ESRP1: variants seen among roughly 807,000 people sequenced by gnomAD.
ESRP1 encodes epithelial splicing regulatory protein 1, also known as RNA-binding motif protein 35A.
A neutral mutation model predicts 81.7 loss-of-function variants in ESRP1; 33 were observed. That is an observed-to-expected ratio of 0.40 (90% CI 0.31 to 0.54). ESRP1 has a LOEUF of 0.54. Among genes scored for constraint, ESRP1 ranks in the 20% least tolerant of loss-of-function variants. ESRP1 has a pLI of 0.41. For missense variants in ESRP1, 672 were observed against 833.1 expected, an observed-to-expected ratio of 0.81 and a Z score of 2.38; for synonymous variants, 320 against 303.3, an observed-to-expected ratio of 1.06 and a Z score of -0.57.
At chr8:94,657,322 C>A (rs1322422838) in intron 4 of ESRP1, among the ~76,000 whole-genome samples, 16 of 152,218 alleles carry the variant, frequency 1.1e-4, no homozygotes, top group Admixed American at 1.0e-3. Flanking sequence ...TCCTCAAGAT[C>A]AGACGTGCAG....
Position 94,706,106 on chromosome 8 carries a change from T to C in ESRP1, c.*217T>C. 1.6e-6 allele frequency: 1 copy of C among 637,780 alleles called. No homozygotes were observed. The highest frequency in any genetic ancestry group is 2.6e-6 in the Non-Finnish European group (1 of 379,816). The allele number at this position is 637,780 out of a possible 1,614,324, so 39.5% of individuals were successfully genotyped here. ...TGAGCTAGTGAAGCCAAATCGTAACTTACAGCAAGCAGCATGCAGCATACC... is the reference window on the plus strand; with the variant it reads ...TGAGCTAGTGAAGCCAAATCGTAACCTACAGCAAGCAGCATGCAGCATACC... On this transcript the variant is annotated 3_prime_UTR_variant, in exon 16 of 16. Transcript: ENST00000433389.
At chr8:94,657,850 G>A (rs147576143) in intron 4 of ESRP1, among the ~76,000 whole-genome samples, 8 of 152,158 alleles carry the variant, frequency 5.3e-5, no homozygotes, top group Non-Finnish European at 8.8e-5. Context: ...CATAGCTTTC[G>A]TGTAATCCCA....
intron 15 of ESRP1, among the ~76,000 whole-genome samples, chr8:94,699,514 C>T (rs1809733762): frequency 6.6e-6 from 1 of 151,926 alleles, no homozygotes; most frequent in Non-Finnish European, 1.5e-5. Context: ...GGTGTGGTGG[C>T]ATTTACCTCC....
At chr8:94,643,950 A>G (rs1002658475) in intron 3 of ESRP1, among the ~76,000 whole-genome samples, 1 of 152,262 alleles carries the variant, frequency 6.6e-6, no homozygotes, top group African/African-American at 2.4e-5. Context: ...TACTTAAATA[A>G]GATAACCTTA....
In ESRP1 at chr8:94,706,481, T is replaced by A. The variant is rs1408279722; in HGVS notation, c.*592T>A. The A allele has an allele frequency of 6.6e-6, 1 of 152,658 alleles. No individual in the cohort carries two copies. Among genetic ancestry groups the A allele is most frequent in the Non-Finnish European group, 1.5e-5 (1 of 68,164 alleles). 9.5% of individuals were successfully genotyped at this position (152,658 alleles called of 1,614,324 possible). ...TGATATCTTATGATTAAAAACAAATTAAATTTTAAAACACCTGAAGATAAA... is the reference window on the plus strand; with the variant it reads ...TGATATCTTATGATTAAAAACAAATAAAATTTTAAAACACCTGAAGATAAA... On this transcript the variant is annotated 3_prime_UTR_variant, in exon 16 of 16. Coordinates refer to ENST00000433389, the MANE Select transcript of ESRP1 (RefSeq NM_017697.4).
chr8:94,688,399 TG>T, intron 13 of ESRP1: 1 of 280,962 alleles, frequency 3.6e-6, no homozygotes. Context: ...ATCACAGAGC[TG>T]GGGAAATTGT....
At position 94,668,090 on chromosome 8, in the gene ESRP1, G is replaced by A; in HGVS notation, c.1073G>A (p.Gly358Asp). 1 of 1,613,976 alleles carries A rather than the reference G, an allele frequency of 6.2e-7. No homozygotes were observed. The highest frequency in any genetic ancestry group is 8.5e-7 in the Non-Finnish European group (1 of 1,179,880). ...QHCPITGGKEGILFVTYPDGR... is the reference protein window; with the variant it reads ...QHCPITGGKEDILFVTYPDGR... ...TGCCCTATTACTGGGGGAAAGGAAGGCATCCTCTTTGTCACCTACCCAGAT... is the reference window on the plus strand; with the variant it reads ...TGCCCTATTACTGGGGGAAAGGAAGACATCCTCTTTGTCACCTACCCAGAT... The change falls in exon 10 of 16, where the codon GGC becomes GAC. Residue 358 changes from glycine (G) to aspartate (D), a missense_variant. Coordinates refer to ENST00000433389, the MANE Select transcript of ESRP1 (RefSeq NM_017697.4).
chr8:94,658,381 A>G (rs1818543005), intron 4 of ESRP1, among the ~76,000 whole-genome samples: 1 of 152,256 alleles, frequency 6.6e-6, no homozygotes, highest in Admixed American at 6.5e-5. Context: ...ATAGGTGGAA[A>G]GAGATCAGAG....
chr8:94,705,148 C>T (rs968483644), intron 15 of ESRP1, among the ~76,000 whole-genome samples: 1 of 136,380 alleles, frequency 7.3e-6, no homozygotes, highest in African/African-American at 2.8e-5. Context: ...TTATGTCATG[C>T]CTTATTGCTT....
At chr8:94,693,148 T>C (rs1200813525) in intron 14 of ESRP1, among the ~76,000 whole-genome samples, 1 of 152,206 alleles carries the variant, frequency 6.6e-6, no homozygotes, top group African/African-American at 2.4e-5. Flanking sequence ...AGAATAGGAT[T>C]GGCTAAGGGG....
chr8:94,643,504 C>G (rs1817713027), intron 3 of ESRP1, 88 bp downstream of exon 3: 1 of 773,378 alleles, frequency 1.3e-6, no homozygotes, highest in Non-Finnish European at 2.2e-6. Context: ...TCAAGTTTCT[C>G]TGTTCTTAAA....
intron 4 of ESRP1, among the ~76,000 whole-genome samples, chr8:94,660,280 C>T (rs886105945): frequency 2.0e-5 from 3 of 152,106 alleles, no homozygotes; most frequent in South Asian, 2.1e-4. Context: ...GGTCATTAAC[C>T]GTCCTAAAAA....
chr8:94,677,060 A>G (rs1032458190), intron 12 of ESRP1, among the ~76,000 whole-genome samples: 11 of 152,036 alleles, frequency 7.2e-5, no homozygotes, highest in Admixed American at 1.3e-4. Flanking sequence ...AGGTGCCTCA[A>G]TTTGTATTGT....
At chr8:94,641,784 G>T in intron 1 of ESRP1, 172 bp from the exon 2 acceptor site, 1 of 930,360 alleles carries the variant, frequency 1.1e-6, no homozygotes, top group African/African-American at 1.8e-5. Context: ...TCGGGTGGGG[G>T]GTGGGGCGGG....
intron 1 of ESRP1, chr8:94,641,667 A>T: frequency 1.4e-6 from 1 of 729,188 alleles, no homozygotes; most frequent in Non-Finnish European, 2.1e-6. Context: ...TCAGGTGGAG[A>T]GGCCGGCGCT....
At chr8:94,689,999 T>A (rs2130707547) in intron 13 of ESRP1, among the ~76,000 whole-genome samples, 1 of 151,854 alleles carries the variant, frequency 6.6e-6, no homozygotes, top group Non-Finnish European at 1.5e-5. Flanking sequence ...TTGTATTTTT[T>A]AGTAGAGATG....
intron 15 of ESRP1, 22 bp from the exon 16 acceptor site, chr8:94,705,903 C>CTTTTTTTTTTTTT: frequency 2.9e-6 from 4 of 1,368,438 alleles, no homozygotes; most frequent in East Asian, 2.7e-5. Context: ...CTTTTATTCA[C>CTTTTTTTTTTTTT]TTTTTTTTTT....
intron 4 of ESRP1, among the ~76,000 whole-genome samples, chr8:94,654,274 C>T (rs186593169): frequency 8.5e-5 from 13 of 152,142 alleles, no homozygotes; most frequent in Admixed American, 2.6e-4. Context: ...GTCAAGATCG[C>T]ACCATTTTAC....
intron 13 of ESRP1, among the ~76,000 whole-genome samples, chr8:94,690,276 ATTTTTT>A (rs373440584): frequency 2.8e-3 from 170 of 61,360 alleles, no homozygotes; most frequent in Middle Eastern, 0.027. Flanking sequence ...TGCCTGGCTA[ATTTTTT>A]TTTTTTTTTT....
Sources: gnomAD v4.1 joint callset for allele counts (sites outside exome capture counted in the v4.1 genomes callset) on GRCh38, gnomAD v4.1.1 for gene constraint, MANE v1.5 for transcripts, NCBI Gene and HGNC (gene_info 2026-07-23, HGNC 2026-07-21) for gene names.